Variants in CAST observed in about 807,000 individuals in gnomAD.
The protein encoded by CAST is calpastatin, also known as MIR583 host.
CAST carries 76 observed loss-of-function variants against 119.6 expected under a neutral mutation model. That is an observed-to-expected ratio of 0.64 (90% CI 0.53 to 0.77). The LOEUF is 0.77. Among genes scored for constraint, CAST ranks in the 30% least tolerant of loss-of-function variants. The pLI is 0.00. For missense variants in CAST, 953 were observed against 946.5 expected (o/e 1.01, Z -0.09); for synonymous variants, 319 against 331.6 (o/e 0.96, Z 0.41).
At chr5:96,635,437 A>G (rs1254014094) in intron 1 of CAST, among the ~76,000 whole-genome samples, 4 of 152,190 alleles carry the variant, frequency 2.6e-5, no homozygotes, top group Non-Finnish European at 5.9e-5. Flanking sequence ...TCATATAATC[A>G]AGAGGTTGGA....
chr5:95,996,648 T>C, the CAST span, among the ~76,000 whole-genome samples: 6 of 152,198 alleles, frequency 3.9e-5, no homozygotes, highest in Non-Finnish European at 8.8e-5. Context: ...GTCTTTCTTA[T>C]AATGGCAATG....
the CAST span, among the ~76,000 whole-genome samples, chr5:96,372,560 C>A: frequency 9.2e-5 from 14 of 152,164 alleles, no homozygotes; most frequent in Non-Finnish European, 1.5e-4. Flanking sequence ...AATGTAATAC[C>A]ATGGGACTTA....
At chr5:96,053,171 A>G in the CAST span, among the ~76,000 whole-genome samples, 2 of 152,172 alleles carry the variant, frequency 1.3e-5, no homozygotes, top group African/African-American at 4.8e-5. Context: ...TTGGCTATAC[A>G]TTGGAAACTC....
the CAST span, among the ~76,000 whole-genome samples, chr5:95,989,747 G>T: frequency 2.0e-5 from 3 of 152,038 alleles, no homozygotes; most frequent in African/African-American, 4.8e-5. Flanking sequence ...GTAAGTTAAA[G>T]ATCATTATGT....
At chr5:96,495,929 C>T in the CAST span, among the ~76,000 whole-genome samples, 217 of 152,184 alleles carry the variant, frequency 1.4e-3, no homozygotes, top group Middle Eastern at 0.024. Context: ...TTTCAATGTC[C>T]TTTAATTTTT....
At chr5:96,208,314 T>G in the CAST span, among the ~76,000 whole-genome samples, 1 of 151,938 alleles carries the variant, frequency 6.6e-6, no homozygotes, top group African/African-American at 2.4e-5. Context: ...TTTCTGCATC[T>G]TAATTTCTTT....
At chr5:96,707,342 A>C (rs1197232735) in intron 3 of CAST, among the ~76,000 whole-genome samples, 1 of 152,212 alleles carries the variant, frequency 6.6e-6, no homozygotes, top group Non-Finnish European at 1.5e-5. Flanking sequence ...TATATGTTAG[A>C]AAAAATGATT....
chr5:96,730,810 GGA>G lies in CAST; in HGVS notation c.586_587del (p.Ser196CysfsTer13). The part of the protein sequence containing the change: ...TKPQDMISAG[G>X]ESVAGITAIS... ...ACCACAAGACATGATTTCTGCTGGTGGAGAGAGTGTTGCTGGTATCACTGCAA... is the reference window on the plus strand; with the variant it reads ...ACCACAAGACATGATTTCTGCTGGTGGAGAGTGTTGCTGGTATCACTGCAA... On this transcript the variant is annotated frameshift_variant, in exon 9 of 32. Transcript: ENST00000675179. LOFTEE classifies it high-confidence loss of function. 1 of 1,614,032 alleles carries G rather than the reference GGA, an allele frequency of 6.2e-7. No individual in the cohort carries two copies. Among genetic ancestry groups the G allele is most frequent in the Non-Finnish European group, 8.5e-7 (1 of 1,179,898 alleles).
At chr5:96,770,388 AATC>A in intron 29 of CAST, 140 bp from the exon 30 acceptor site, 1 of 596,564 alleles carries the variant, frequency 1.7e-6, no homozygotes, top group South Asian at 2.0e-5. Context: ...GTTCAAAAAA[AATC>A]ATGAAAAAAC....
At chr5:96,508,170 G>T in the CAST span, among the ~76,000 whole-genome samples, 4 of 151,908 alleles carry the variant, frequency 2.6e-5, no homozygotes, top group Non-Finnish European at 4.4e-5. Flanking sequence ...GTGTTTTTTT[G>T]TTGTGTTTTG....
At chr5:96,726,167 C>A (rs931403632) in intron 4 of CAST, among the ~76,000 whole-genome samples, 1 of 152,178 alleles carries the variant, frequency 6.6e-6, no homozygotes, top group Non-Finnish European at 1.5e-5. Flanking sequence ...CTGAAAAGTT[C>A]ATGAAATGTT....
At chr5:96,026,894 AC>A in the CAST span, among the ~76,000 whole-genome samples, 2 of 152,180 alleles carry the variant, frequency 1.3e-5, no homozygotes, top group Non-Finnish European at 2.9e-5. Flanking sequence ...GCAATATTAA[AC>A]AATTCCTCTT....
intron 1 of CAST, among the ~76,000 whole-genome samples, chr5:96,672,230 T>C (rs2150239831): frequency 7.1e-6 from 1 of 140,522 alleles, no homozygotes; most frequent in South Asian, 2.1e-4. Flanking sequence ...TCTCTCTCTG[T>C]CTCTCTCTCT....
the CAST span, among the ~76,000 whole-genome samples, chr5:96,085,294 C>T: frequency 6.6e-6 from 1 of 152,116 alleles, no homozygotes; most frequent in Non-Finnish European, 1.5e-5. Flanking sequence ...AAGACTGACA[C>T]ATAAGCAAAT....
In CAST at chr5:96,740,727, A is replaced by G. The variant is rs1455213787; in HGVS notation, c.880-18A>G. 1.3e-6 allele frequency: 2 copies of G among 1,587,180 alleles called. No individual in the cohort carries two copies. Among genetic ancestry groups the G allele is most frequent in the Admixed American group, 1.7e-5 (1 of 59,882 alleles). ...TAATTCTACCTTCTCAACATCATCA[A>G]ATTAATATTTGTTTCAGAAAAAGGA... On this transcript the variant is annotated intron_variant, in intron 12 of 31. Transcript: ENST00000675179.
chr5:96,251,458 A>T, the CAST span, among the ~76,000 whole-genome samples: 1 of 152,148 alleles, frequency 6.6e-6, no homozygotes, highest in South Asian at 2.1e-4. Flanking sequence ...TCTGCCCCAA[A>T]GATCGCAGAT....
intron 1 of CAST, among the ~76,000 whole-genome samples, chr5:96,616,830 C>T (rs1031891658): frequency 2.0e-5 from 3 of 148,682 alleles, no homozygotes; most frequent in African/African-American, 7.5e-5. Flanking sequence ...AATAAGACAC[C>T]AAGCATCTTG....
At chr5:96,397,283 T>A in the CAST span, 2 of 1,550,474 alleles carry the variant, frequency 1.3e-6, no homozygotes, top group Non-Finnish European at 1.8e-6. Flanking sequence ...TAAAAGTGCT[T>A]CAAAATGTTT....
At chr5:96,681,804 G>T (rs1393923473) in intron 2 of CAST, among the ~76,000 whole-genome samples, 1 of 148,540 alleles carries the variant, frequency 6.7e-6, no homozygotes, top group Non-Finnish European at 1.5e-5. Flanking sequence ...TTATTAATTT[G>T]TCTTGGAATG....
Sources: gnomAD v4.1 joint callset for allele counts (sites outside exome capture counted in the v4.1 genomes callset) on GRCh38, gnomAD v4.1.1 for gene constraint, MANE v1.5 for transcripts, NCBI Gene and HGNC (gene_info 2026-07-23, HGNC 2026-07-21) for gene names.